FER: variants seen among roughly 807,000 people sequenced by gnomAD.
FER encodes tyrosine-protein kinase Fer.
A neutral mutation model predicts 111.0 loss-of-function variants in FER; 63 were observed. The observed-to-expected ratio is 0.57, with a 90% CI of 0.46 to 0.70. The LOEUF is 0.70. FER is among the 30% of genes least tolerant of loss of function. The pLI is 0.00. For missense variants in FER, 914 were observed against 954.0 expected (o/e 0.96, Z 0.55); for synonymous variants, 327 against 313.9 (o/e 1.04, Z -0.44).
At position 108,959,232 on chromosome 5, in the gene FER, A is replaced by T. The variant is rs1283057918; in HGVS notation, c.1541A>T (p.Tyr514Phe). 6.2e-7 allele frequency: 1 copy of T among 1,611,538 alleles called. No homozygotes were observed. Among genetic ancestry groups the T allele is most frequent in the Non-Finnish European group, 8.5e-7 (1 of 1,178,462 alleles). Residue 514 changes from tyrosine (Y) to phenylalanine (F), a missense_variant, in exon 13 of 20, where the codon TAT (tyrosine) becomes TTT (phenylalanine). Coordinates refer to ENST00000281092, the MANE Select transcript of FER (RefSeq NM_005246.4). ...TTATTGTTCTCTCTCCAGAACATGT[A>T]TCGATTCGAGGGCACTGGGTTTTCA... ...HFIIQYVDNM[Y>F]RFEGTGFSNI... is the part of the protein sequence containing the mutation.
At chr5:108,752,324 ACTCAT>A (rs1250360763) in intron 1 of FER, among the ~76,000 whole-genome samples, 1 of 152,070 alleles carries the variant, frequency 6.6e-6, no homozygotes, top group Non-Finnish European at 1.5e-5. Context: ...AAATGAAGTC[ACTCAT>A]CATTCTACCA....
chr5:108,774,522 A>G (rs553775555), intron 2 of FER, among the ~76,000 whole-genome samples: 204 of 152,282 alleles, frequency 1.3e-3, no homozygotes, highest in African/African-American at 4.4e-3. Flanking sequence ...TCCCATCAAC[A>G]GTGTAAAAGC....
chr5:109,032,568 T>C (rs574810249), intron 13 of FER, among the ~76,000 whole-genome samples: 2 of 152,288 alleles, frequency 1.3e-5, no homozygotes, highest in East Asian at 3.9e-4. Context: ...CCACAAGTTA[T>C]TAGAACTAGA....
chr5:109,041,137 G>A (rs1198724014), intron 14 of FER, among the ~76,000 whole-genome samples: 1 of 151,992 alleles, frequency 6.6e-6, no homozygotes, highest in African/African-American at 2.4e-5. Context: ...GCCCCCTAAG[G>A]GTTTGTGTTC....
chr5:109,112,927 G>A (rs1275409004), intron 17 of FER, among the ~76,000 whole-genome samples: 1 of 152,100 alleles, frequency 6.6e-6, no homozygotes, highest in East Asian at 1.9e-4. Flanking sequence ...CAAATATACA[G>A]CCTCTTCTCA....
At chr5:108,790,335 A>G (rs1350434119) in intron 2 of FER, among the ~76,000 whole-genome samples, 1 of 151,998 alleles carries the variant, frequency 6.6e-6, no homozygotes, top group Non-Finnish European at 1.5e-5. Context: ...AATTTTTACC[A>G]TGTCTTCAAA....
chr5:109,196,702 T>C lies in FER; in HGVS notation c.*9127T>C, dbSNP rs888836105. 6.6e-5 allele frequency: 10 copies of C among 152,240 alleles called. No individual in the cohort carries two copies. The highest frequency in any genetic ancestry group is 1.3e-4 in the Non-Finnish European group (9 of 68,040). The allele number at this position is 152,240 out of a possible 1,614,324, so 9.4% of individuals were successfully genotyped here. ...ATATTTTTTAATTGTTTCTACATTT[T>C]TAAAGCATGATTCATCATTTTTGTA... is the stretch of plus-strand genomic sequence containing the variant. On this transcript the variant is annotated 3_prime_UTR_variant, in exon 20 of 20. Coordinates refer to ENST00000281092, the MANE Select transcript of FER (RefSeq NM_005246.4).
At chr5:109,150,818 T>C (rs1271020544) in intron 17 of FER, among the ~76,000 whole-genome samples, 6 of 152,344 alleles carry the variant, frequency 3.9e-5, no homozygotes, top group Non-Finnish European at 7.3e-5. Flanking sequence ...TGTCATTTAT[T>C]CGTGACATTC....
chr5:108,994,740 G>A (rs904173179), intron 13 of FER, among the ~76,000 whole-genome samples: 3 of 152,224 alleles, frequency 2.0e-5, no homozygotes, highest in East Asian at 3.9e-4. Flanking sequence ...TCCTATCCAC[G>A]AGCATGGAAT....
chr5:108,919,338 A>AT (rs1204665396), intron 10 of FER, among the ~76,000 whole-genome samples: 1 of 151,996 alleles, frequency 6.6e-6, no homozygotes, highest in Non-Finnish European at 1.5e-5. Flanking sequence ...AGAGATGAGT[A>AT]AAGAGTACAG....
intron 1 of FER, among the ~76,000 whole-genome samples, chr5:108,761,972 A>G (rs1408355261): frequency 1.3e-5 from 2 of 152,080 alleles, no homozygotes; most frequent in Non-Finnish European, 2.9e-5. Context: ...GTGCAGTGGC[A>G]TGATCTCAGC....
rs1301046175 is a variant in FER at position 108,988,032 on chromosome 5, T to C, written c.1656+28685T>C. On this transcript the variant is annotated intron_variant, in intron 13 of 19. Coordinates refer to ENST00000281092, the MANE Select transcript of FER (RefSeq NM_005246.4). ...ATGCTGAATTTTGTCAAATGCTTTTTCTGCGTTTCTTGAGATGATGTGATT... is the reference window on the plus strand; with the variant it reads ...ATGCTGAATTTTGTCAAATGCTTTTCCTGCGTTTCTTGAGATGATGTGATT... Among the ~76,000 whole-genome samples, 3 of 152,214 alleles carry C rather than the reference T, an allele frequency of 2.0e-5. No homozygotes were observed. The East Asian group carries it at 5.8e-4, about 29-fold the overall frequency.
At chr5:108,910,514 A>T (rs550352238) in intron 10 of FER, among the ~76,000 whole-genome samples, 71 of 152,296 alleles carry the variant, frequency 4.7e-4, no homozygotes, top group African/African-American at 1.4e-3. Flanking sequence ...TTCAGTAGGT[A>T]TATGTGCAGG....
intron 16 of FER, among the ~76,000 whole-genome samples, chr5:109,067,530 C>G (rs1366826630): frequency 6.6e-6 from 1 of 151,520 alleles, no homozygotes; most frequent in Non-Finnish European, 1.5e-5. Context: ...GTTCTGCCCT[C>G]TTTATTTTTT....
chr5:108,806,402 G>A (rs983781293), intron 3 of FER, among the ~76,000 whole-genome samples: 32 of 152,198 alleles, frequency 2.1e-4, no homozygotes, highest in African/African-American at 6.8e-4. Context: ...TCCCTACTGG[G>A]GCACCACCTA....
At chr5:108,838,467 G>A (rs1395567069) in intron 5 of FER, among the ~76,000 whole-genome samples, 1 of 152,098 alleles carries the variant, frequency 6.6e-6, no homozygotes, top group Admixed American at 6.6e-5. Flanking sequence ...AATTCCTATA[G>A]TAAGATAAAT....
chr5:109,150,945 G>C (rs59616337), intron 17 of FER, among the ~76,000 whole-genome samples: 1 of 151,842 alleles, frequency 6.6e-6, no homozygotes, highest in African/African-American at 2.4e-5. Context: ...AATCAAAGTG[G>C]TATTTAATAC....
intron 3 of FER, chr5:108,820,209 G>A: frequency 1.0e-6 from 1 of 985,346 alleles, no homozygotes; most frequent in Non-Finnish European, 1.2e-6. Context: ...ATCTTCTCTG[G>A]ACGTGAGCTA....
intron 13 of FER, among the ~76,000 whole-genome samples, chr5:109,011,518 T>C (rs1419580317): frequency 6.6e-6 from 1 of 152,234 alleles, no homozygotes; most frequent in Non-Finnish European, 1.5e-5. Context: ...ATGCCATTTG[T>C]AATATTTCCT....
Sources: gnomAD v4.1 joint callset for allele counts (sites outside exome capture counted in the v4.1 genomes callset) on GRCh38, gnomAD v4.1.1 for gene constraint, MANE v1.5 for transcripts, NCBI Gene and HGNC (gene_info 2026-07-23, HGNC 2026-07-21) for gene names.